Variants in RMST observed in about 807,000 individuals in gnomAD.
RMST encodes long intergenic non-protein coding RNA 54.
At chr12:97,509,571 T>G (rs1032749963) in intron 10 of RMST, among the ~76,000 whole-genome samples, 15 of 152,030 alleles carry the variant, frequency 9.9e-5, no homozygotes, top group Non-Finnish European at 2.2e-4. Context: ...ACTAAGTGAG[T>G]TCTACATTCT....
chr12:97,539,949 G>A lies in RMST; in HGVS notation n.1545+9090G>A, dbSNP rs978105886. Among the ~76,000 whole-genome samples the A allele has an allele frequency of 2.6e-5, 4 of 151,714 alleles. No homozygotes were observed. The East Asian group carries it at 7.8e-4, about 29-fold the overall frequency. On this transcript the variant is annotated intron_variant and non_coding_transcript_variant, in intron 11 of 13. Coordinates refer to ENST00000640149, the Ensembl canonical transcript of RMST. ...TGAATCTTGTCTTTGAACTCTAATT[G>A]GCATGTGAGGGAGGCAGGTCTGACT... is the stretch of plus-strand genomic sequence containing the variant.
At chr12:97,492,117 G>C (rs542292015) in intron 5 of RMST, 2 of 365,784 alleles carry the variant, frequency 5.5e-6, no homozygotes, top group Non-Finnish European at 1.2e-5. Context: ...TGACAGTACT[G>C]TGAAGAATTC....
At chr12:97,540,596 A>G (rs904953197) in intron 11 of RMST, among the ~76,000 whole-genome samples, 5 of 151,614 alleles carry the variant, frequency 3.3e-5, no homozygotes, top group African/African-American at 1.2e-4. Flanking sequence ...TGCCTTTGTC[A>G]TTTGCTAGCA....
At chr12:97,471,707 A>G (rs1873938971) in intron 5 of RMST, among the ~76,000 whole-genome samples, 1 of 152,154 alleles carries the variant, frequency 6.6e-6, no homozygotes, top group Non-Finnish European at 1.5e-5. Context: ...TCTCACTGCC[A>G]CCTGGGTGCA....
At chr12:97,476,601 T>C (rs1874577521) in intron 5 of RMST, among the ~76,000 whole-genome samples, 1 of 152,210 alleles carries the variant, frequency 6.6e-6, no homozygotes, top group Non-Finnish European at 1.5e-5. Context: ...GGGGAGCTGA[T>C]AGAGCCGAGC....
Position 97,500,609 on chromosome 12 carries a change from C to T in RMST, n.1340+4553C>T, listed in dbSNP as rs540149438. Among the ~76,000 whole-genome samples, 63 of 152,244 alleles carry T rather than the reference C, an allele frequency of 4.1e-4. 1 individual carries two copies. The South Asian group carries it at 8.9e-3, about 22-fold the overall frequency. On this transcript the variant is annotated intron_variant and non_coding_transcript_variant, in intron 10 of 13. Transcript: ENST00000640149. ...CTTAACAGTTGAAGAAACTGAGGGC[C>T]GTCTGACACCAAAGCCAATATTAAC...
chr12:97,512,090 C>T lies in RMST; in HGVS notation n.1340+16034C>T, dbSNP rs148621447. 3.8e-3 allele frequency among the ~76,000 whole-genome samples: 579 copies of T among 152,178 alleles called. 2 individuals carry two copies. Among genetic ancestry groups the T allele is most frequent in the African/African-American group, 0.013 (538 of 41,528 alleles). ...TTCGGAGTTTCTTCCTTCTGGCGTT[C>T]GGATGTGTTCAGAGTTTCTTCTGTC... On this transcript the variant is annotated intron_variant and non_coding_transcript_variant, in intron 10 of 13. Coordinates refer to ENST00000640149, the Ensembl canonical transcript of RMST.
chr12:97,562,488 CT>C (rs1884192478), intron 13 of RMST, among the ~76,000 whole-genome samples: 1 of 151,472 alleles, frequency 6.6e-6, no homozygotes, highest in African/African-American at 2.4e-5. Context: ...GTGGGGAGAG[CT>C]GAGCCAGCTG....
intron 10 of RMST, among the ~76,000 whole-genome samples, chr12:97,513,226 A>G (rs1330564568): frequency 1.3e-5 from 2 of 152,206 alleles, no homozygotes; most frequent in Non-Finnish European, 2.9e-5. Context: ...AAGTGCCACC[A>G]AAGTGGGAGC....
intron 10 of RMST, among the ~76,000 whole-genome samples, chr12:97,510,350 T>A (rs1879146119): frequency 6.6e-6 from 1 of 152,160 alleles, no homozygotes; most frequent in Admixed American, 6.5e-5. Flanking sequence ...AATAAGATCT[T>A]TGGTTTTCAT....
At chr12:97,495,397 G>A (rs7133101) in intron 9 of RMST, among the ~76,000 whole-genome samples, 125,678 of 152,070 alleles carry the variant, frequency 0.83, 52,288 homozygotes, top group Middle Eastern at 0.91. Flanking sequence ...AAGTAAAAAA[G>A]CAATGGCGAG....
intron 5 of RMST, among the ~76,000 whole-genome samples, chr12:97,484,803 A>G (rs1444407652): frequency 1.3e-5 from 2 of 152,224 alleles, no homozygotes; most frequent in East Asian, 3.8e-4. Flanking sequence ...GTGCCATATA[A>G]TTTACAGAGT....
chr12:97,544,819 T>A (rs995006118), intron 11 of RMST, among the ~76,000 whole-genome samples: 3 of 152,064 alleles, frequency 2.0e-5, no homozygotes, highest in African/African-American at 7.2e-5. Context: ...GAGGTTTATA[T>A]AATCCTGTTG....
At chr12:97,554,525 T>A (rs1360468181) in intron 11 of RMST, among the ~76,000 whole-genome samples, 1 of 152,110 alleles carries the variant, frequency 6.6e-6, no homozygotes, top group African/African-American at 2.4e-5. Context: ...CAGTAAACAC[T>A]TTTAATTTAA....
chr12:97,494,253 A>C (rs910558539), intron 8 of RMST, among the ~76,000 whole-genome samples: 1 of 152,208 alleles, frequency 6.6e-6, no homozygotes, highest in African/African-American at 2.4e-5. Flanking sequence ...GTTAATTTTT[A>C]TAATGAATTT....
chr12:97,521,261 G>T (rs1880477229), intron 10 of RMST, among the ~76,000 whole-genome samples: 1 of 152,068 alleles, frequency 6.6e-6, no homozygotes, highest in Admixed American at 6.5e-5. Context: ...CCATGATCTT[G>T]TGATGATAAC....
At chr12:97,490,061 G>A (rs1394532689) in intron 5 of RMST, among the ~76,000 whole-genome samples, 1 of 152,168 alleles carries the variant, frequency 6.6e-6, no homozygotes, top group Non-Finnish European at 1.5e-5. Flanking sequence ...TTATGTGATA[G>A]TTTTCACATT....
intron 11 of RMST, among the ~76,000 whole-genome samples, chr12:97,542,406 T>C (rs1210030424): frequency 1.3e-5 from 2 of 151,844 alleles, no homozygotes; most frequent in African/African-American, 2.4e-5. Context: ...TCACTTGGCC[T>C]GGACTCTACA....
At chr12:97,557,543 A>C (rs1565939995) in intron 11 of RMST, among the ~76,000 whole-genome samples, 1 of 152,188 alleles carries the variant, frequency 6.6e-6, no homozygotes, top group African/African-American at 2.4e-5. Flanking sequence ...GATTGCTCTA[A>C]TTATTACACG....
Sources: gnomAD v4.1 joint callset for allele counts (sites outside exome capture counted in the v4.1 genomes callset) on GRCh38, gnomAD v4.1.1 for gene constraint, MANE v1.5 for transcripts, NCBI Gene and HGNC (gene_info 2026-07-23, HGNC 2026-07-21) for gene names.